CADM1: variants seen among roughly 807,000 people sequenced by gnomAD.
CADM1 encodes cell adhesion molecule 1, also known as TSLC-1.
In CADM1, 15 loss-of-function variants were observed where a neutral mutation model predicts 53.1. The ratio of observed to expected loss-of-function variants is 0.28; its 90% CI spans 0.19 to 0.44. The LOEUF (loss-of-function observed/expected upper bound fraction) is 0.44, where lower values mean the gene tolerates loss of function less well. Ranked by LOEUF, CADM1 falls within the 20% of genes least tolerant of loss-of-function variation. CADM1 has a pLI of 1.00. For missense variants in CADM1, 434 were observed against 611.3 expected (o/e 0.71, Z 3.06); for synonymous variants, 281 against 243.0 (o/e 1.16, Z -1.45).
At chr11:115,429,588 GAA>G (rs34149068) in intron 1 of CADM1, among the ~76,000 whole-genome samples, 15 of 105,468 alleles carry the variant, frequency 1.4e-4, no homozygotes, top group Non-Finnish European at 1.9e-4. Flanking sequence ...CACAAGAGCA[GAA>G]AAAAAAAAAA....
At chr11:115,370,427 G>T (rs918146001) in intron 1 of CADM1, among the ~76,000 whole-genome samples, 2 of 152,058 alleles carry the variant, frequency 1.3e-5, no homozygotes, top group Non-Finnish European at 2.9e-5. Flanking sequence ...AGGAAATTGG[G>T]GTTAGACAAG....
intron 1 of CADM1, among the ~76,000 whole-genome samples, chr11:115,459,598 A>C (rs761817092): frequency 2.0e-5 from 3 of 152,178 alleles, no homozygotes; most frequent in Non-Finnish European, 4.4e-5. Context: ...GGAGGCTCTT[A>C]CTTCCCTGCT....
Position 115,178,824 on chromosome 11 carries a change from C to T in CADM1, c.1166-49G>A, listed in dbSNP as rs750352581. On this transcript the variant is annotated intron_variant, in intron 10 of 11. Coordinates refer to ENST00000331581, the MANE Select transcript of CADM1 (RefSeq NM_001301043.2). Reference sequence around the variant, plus strand: ...GGGATGTAGAGCTTATTACAAGGCACCAGAAGCCCCGGCGACACTGTCTCC... The same window carrying T: ...GGGATGTAGAGCTTATTACAAGGCATCAGAAGCCCCGGCGACACTGTCTCC... 7.5e-6 allele frequency: 12 copies of T among 1,607,250 alleles called. No homozygotes were observed. The South Asian group carries it at 1.1e-4, about 15-fold the overall frequency.
At chr11:115,235,169 GT>G (rs35400691) in intron 3 of CADM1, among the ~76,000 whole-genome samples, 198 of 143,002 alleles carry the variant, frequency 1.4e-3, no homozygotes, top group Middle Eastern at 3.7e-3. Context: ...ACTTTGCTCA[GT>G]TTTTTTTTTT....
chr11:115,340,658 A>ATATATATATTTTT (rs60532835), intron 1 of CADM1, among the ~76,000 whole-genome samples: 2 of 34,944 alleles, frequency 5.7e-5, no homozygotes, highest in Non-Finnish European at 9.1e-5. Flanking sequence ...ATATATATAT[A>ATATATATATTTTT]TTTTTTTTTT....
chr11:115,435,852 A>G lies in CADM1; in HGVS notation c.124+68419T>C, dbSNP rs182763893. On this transcript the variant is annotated intron_variant, in intron 1 of 11. Coordinates refer to ENST00000331581, the MANE Select transcript of CADM1 (RefSeq NM_001301043.2). ...GATTTTGCTGGAGATTATATGGCCT[A>G]CAAGACCTAAAATATTTACTATCTG... Among the ~76,000 whole-genome samples, 432 of 152,342 alleles carry G rather than the reference A, an allele frequency of 2.8e-3. 2 individuals carry two copies. Among genetic ancestry groups the G allele is most frequent in the African/African-American group, 0.01 (427 of 41,586 alleles).
chr11:115,425,807 C>T (rs1054043556), intron 1 of CADM1, among the ~76,000 whole-genome samples: 3 of 152,210 alleles, frequency 2.0e-5, no homozygotes, highest in Admixed American at 6.5e-5. Context: ...CCACACTATG[C>T]CCTCTTAACA....
chr11:115,433,677 T>A (rs1448760781), intron 1 of CADM1, among the ~76,000 whole-genome samples: 1 of 152,176 alleles, frequency 6.6e-6, no homozygotes, highest in Non-Finnish European at 1.5e-5. Context: ...AGGTATCACT[T>A]CAAATATAAT....
At chr11:115,295,128 A>C (rs944059279) in intron 1 of CADM1, among the ~76,000 whole-genome samples, 1 of 152,184 alleles carries the variant, frequency 6.6e-6, no homozygotes, top group Non-Finnish European at 1.5e-5. Context: ...ATGTTTTATC[A>C]GATGCTATCA....
intron 1 of CADM1, among the ~76,000 whole-genome samples, chr11:115,317,164 A>C (rs1204590683): frequency 6.6e-6 from 1 of 152,144 alleles, no homozygotes; most frequent in African/African-American, 2.4e-5. Flanking sequence ...TCTTCATAAC[A>C]ATATATATTT....
intron 1 of CADM1, among the ~76,000 whole-genome samples, chr11:115,385,609 A>T (rs1946681238): frequency 6.6e-6 from 1 of 151,012 alleles, no homozygotes; most frequent in South Asian, 2.1e-4. Context: ...CATAATTTAT[A>T]ACAAGAAAAT....
In CADM1 at chr11:115,504,337, C is replaced by G. The variant is rs946313916; in HGVS notation, c.58G>C (p.Ala20Pro). 2.6e-6 allele frequency: 4 copies of G among 1,546,778 alleles called. No individual in the cohort carries two copies. The highest frequency in any genetic ancestry group is 1.4e-5 in the African/African-American group (1 of 72,990). ...SQCAAAAAAA[A>P]PPGLRLRLLL... ...AGCCGGAGCCGGAGCCCGGGAGGCG[C>G]CGCCGCCGCCGCTGCCGCCGCACAC... The change falls in exon 1 of 12, where the codon GCG becomes CCG. Residue 20 changes from alanine to proline, a missense_variant. Around this residue, in one of 4 missense-constraint regions of CADM1, gnomAD observed 76 missense variants for 59.8 expected, o/e 1.27. Transcript: ENST00000331581.
At chr11:115,194,931 C>T (rs1056047126) in intron 9 of CADM1, among the ~76,000 whole-genome samples, 2 of 152,196 alleles carry the variant, frequency 1.3e-5, no homozygotes, top group Non-Finnish European at 2.9e-5. Context: ...AATGACTACA[C>T]CATCCGTGCG....
intron 1 of CADM1, among the ~76,000 whole-genome samples, chr11:115,436,453 C>A (rs976064606): frequency 6.6e-5 from 10 of 152,124 alleles, no homozygotes; most frequent in African/African-American, 2.2e-4. Flanking sequence ...TTTGGGGGGA[C>A]CCACCTGGCA....
At chr11:115,398,063 A>G (rs370240362) in intron 1 of CADM1, among the ~76,000 whole-genome samples, 1 of 152,148 alleles carries the variant, frequency 6.6e-6, no homozygotes, top group East Asian at 1.9e-4. Flanking sequence ...TCTACTCATA[A>G]ACCAGTAAAC....
At chr11:115,354,587 T>C (rs182900435) in intron 1 of CADM1, among the ~76,000 whole-genome samples, 137 of 152,304 alleles carry the variant, frequency 9.0e-4, no homozygotes, top group Non-Finnish European at 1.6e-3. Context: ...CAAACTTCAA[T>C]AGGACACAGT....
intron 1 of CADM1, among the ~76,000 whole-genome samples, chr11:115,398,271 A>G (rs974775784): frequency 6.6e-6 from 1 of 152,216 alleles, no homozygotes; most frequent in Admixed American, 6.5e-5. Flanking sequence ...AAAATGATTC[A>G]CTGGAACTAA....
At chr11:115,284,523 AC>A (rs1565343417) in intron 1 of CADM1, among the ~76,000 whole-genome samples, 1 of 151,552 alleles carries the variant, frequency 6.6e-6, no homozygotes, top group African/African-American at 2.4e-5. Context: ...AAAAAAAAAA[AC>A]AGAAAGGAAA....
At chr11:115,280,170 A>C (rs1048089604) in intron 1 of CADM1, among the ~76,000 whole-genome samples, 6 of 152,254 alleles carry the variant, frequency 3.9e-5, no homozygotes, top group African/African-American at 1.4e-4. Flanking sequence ...AAGAGAAACA[A>C]AACAGACAGT....
Sources: allele counts gnomAD v4.1 joint callset (sites outside exome capture counted in the v4.1 genomes callset), GRCh38; gene constraint gnomAD v4.1.1; regional missense constraint gnomAD v4.1.1; transcripts MANE v1.5; gene names NCBI Gene and HGNC (gene_info 2026-07-23, HGNC 2026-07-21).